Variants in FHIT observed in about 807,000 individuals in gnomAD.
The protein encoded by FHIT is fragile histidine triad diadenosine triphosphatase.
A neutral mutation model predicts 17.9 loss-of-function variants in FHIT; 19 were observed. The ratio of observed to expected loss-of-function variants is 1.06; its 90% CI spans 0.74 to 1.56. The LOEUF (loss-of-function observed/expected upper bound fraction) is 1.56. Among genes scored for constraint, FHIT ranks in the 40% most tolerant of loss-of-function variants. The pLI is 0.00. For missense variants in FHIT, 248 were observed against 189.2 expected, an observed-to-expected ratio of 1.31 and a Z score of -1.82; for synonymous variants, 81 against 69.7, an observed-to-expected ratio of 1.16 and a Z score of -0.81.
rs202026518 is a variant in FHIT at position 60,013,995 on chromosome 3, C to T, written c.249+12G>A. The T allele has an allele frequency of 7.6e-4, 1,233 of 1,613,236 alleles. 1 individual carries two copies. Among genetic ancestry groups the T allele is most frequent in the Non-Finnish European group, 9.9e-4 (1,170 of 1,179,510 alleles). ...GGAAGAAAAATCATTTCTGAGAAAT[C>T]TGTACACTCACCTGCATGGAAAAGG... On this transcript the variant is annotated intron_variant, in intron 6 of 9. Coordinates refer to ENST00000492590, the MANE Select transcript of FHIT (RefSeq NM_002012.4).
intron 5 of FHIT, among the ~76,000 whole-genome samples, chr3:60,333,130 T>A (rs113030134): frequency 1.3e-5 from 2 of 152,340 alleles, no homozygotes; most frequent in Admixed American, 6.5e-5. Flanking sequence ...ACTTATAACA[T>A]TGGCTGAATT....
At chr3:59,818,567 G>A (rs190592526) in intron 8 of FHIT, among the ~76,000 whole-genome samples, 1 of 152,132 alleles carries the variant, frequency 6.6e-6, no homozygotes, top group Non-Finnish European at 1.5e-5. Context: ...TAAGTTTTTT[G>A]GGGGACTTGT....
At chr3:60,172,782 C>G (rs984906748) in intron 5 of FHIT, among the ~76,000 whole-genome samples, 2 of 152,064 alleles carry the variant, frequency 1.3e-5, no homozygotes, top group Non-Finnish European at 2.9e-5. Context: ...CAGGACTGTC[C>G]AGGCTGTTGC....
chr3:61,031,685 C>T (rs74933190), intron 3 of FHIT, among the ~76,000 whole-genome samples: 2,099 of 152,194 alleles, frequency 0.014, 28 homozygotes, highest in South Asian at 0.039. Flanking sequence ...GTAGGTAATC[C>T]AGCTACTGTT....
chr3:60,553,214 T>C (rs1444526055), intron 4 of FHIT: 1 of 154,512 alleles, frequency 6.5e-6, no homozygotes, highest in Non-Finnish European at 1.4e-5. Context: ...AGTTTGGTGA[T>C]GTTTTTGTGA....
At chr3:61,004,456 G>C (rs990173009) in intron 3 of FHIT, among the ~76,000 whole-genome samples, 3 of 152,188 alleles carry the variant, frequency 2.0e-5, no homozygotes, top group African/African-American at 7.2e-5. Flanking sequence ...TAAAACTTTG[G>C]GTAGTATGTA....
chr3:59,997,771 A>G (rs1454324784), intron 7 of FHIT, among the ~76,000 whole-genome samples: 3 of 152,136 alleles, frequency 2.0e-5, no homozygotes, highest in African/African-American at 7.2e-5. Context: ...AGTATAATCA[A>G]TTAGGTTTGC....
At chr3:60,536,825 T>C (rs2035998485) in intron 5 of FHIT, 35 bp downstream of exon 5, 3 of 1,571,256 alleles carry the variant, frequency 1.9e-6, no homozygotes, top group South Asian at 1.2e-5. Context: ...AGAAGACTTT[T>C]ATTTTCCCTC....
At chr3:60,027,075 G>C (rs1234760375) in intron 5 of FHIT, among the ~76,000 whole-genome samples, 4 of 147,394 alleles carry the variant, frequency 2.7e-5, no homozygotes, top group African/African-American at 1.0e-4. Flanking sequence ...CTCTAGCCTG[G>C]GTGACAGAGT....
chr3:60,610,734 C>T (rs1553673225), intron 4 of FHIT, among the ~76,000 whole-genome samples: 2 of 152,164 alleles, frequency 1.3e-5, no homozygotes, highest in East Asian at 3.9e-4. Flanking sequence ...TAGATCGCTG[C>T]ACATTTTTAA....
intron 1 of FHIT, among the ~76,000 whole-genome samples, chr3:61,219,990 C>T (rs2039793942): frequency 6.6e-6 from 1 of 152,200 alleles, no homozygotes; most frequent in Non-Finnish European, 1.5e-5. Context: ...GAGGGATTTG[C>T]CTCTATTGTT....
chr3:60,408,615 A>G (rs1195595032), intron 5 of FHIT, among the ~76,000 whole-genome samples: 27 of 152,162 alleles, frequency 1.8e-4, no homozygotes, highest in Admixed American at 1.8e-3. Flanking sequence ...AGGGAGAGAA[A>G]AGAAATGTTG....
intron 4 of FHIT, among the ~76,000 whole-genome samples, chr3:60,553,743 A>T (rs2036648895): frequency 6.6e-6 from 1 of 152,056 alleles, no homozygotes; most frequent in Non-Finnish European, 1.5e-5. Flanking sequence ...ACAGGTGATG[A>T]ATATCTAAAA....
At chr3:60,476,534 G>A (rs1251939014) in intron 5 of FHIT, among the ~76,000 whole-genome samples, 2 of 152,178 alleles carry the variant, frequency 1.3e-5, no homozygotes, top group Admixed American at 6.6e-5. Context: ...ATAGGGAGGG[G>A]TAAGCAAGGC....
At chr3:60,520,055 A>C (rs534326306) in intron 5 of FHIT, among the ~76,000 whole-genome samples, 47 of 152,260 alleles carry the variant, frequency 3.1e-4, no homozygotes, top group African/African-American at 1.0e-3. Context: ...GATTTCATAC[A>C]CCATCTTTAT....
chr3:60,924,121 C>T (rs1707446347), intron 3 of FHIT, among the ~76,000 whole-genome samples: 1 of 152,206 alleles, frequency 6.6e-6, no homozygotes, highest in South Asian at 2.1e-4. Context: ...CTGTAGACTC[C>T]ACCTCTGGGG....
At chr3:60,093,181 G>A (rs1703801440) in intron 5 of FHIT, among the ~76,000 whole-genome samples, 1 of 152,204 alleles carries the variant, frequency 6.6e-6, no homozygotes, top group African/African-American at 2.4e-5. Context: ...TGTGGGCAGA[G>A]CTGACACCTT....
At chr3:60,475,876 C>T (rs1307932963) in intron 5 of FHIT, among the ~76,000 whole-genome samples, 1 of 152,068 alleles carries the variant, frequency 6.6e-6, no homozygotes, top group Non-Finnish European at 1.5e-5. Context: ...GAAAAAGGCC[C>T]TTCCAGTCCC....
At chr3:61,118,289 C>G (rs188301624) in intron 2 of FHIT, among the ~76,000 whole-genome samples, 2 of 152,294 alleles carry the variant, frequency 1.3e-5, no homozygotes, top group East Asian at 3.9e-4. Context: ...TCATTTTCCC[C>G]TGGTTATCTC....
Sources: gnomAD v4.1 joint callset for allele counts (sites outside exome capture counted in the v4.1 genomes callset) on GRCh38, gnomAD v4.1.1 for gene constraint, MANE v1.5 for transcripts, NCBI Gene and HGNC (gene_info 2026-07-23, HGNC 2026-07-21) for gene names.